The following COL5A1 variants were observed in gnomAD, a reference collection of about 807,000 sequenced individuals.
The protein encoded by COL5A1 is collagen type V alpha 1 chain.
COL5A1 carries 16 observed loss-of-function variants against 263.7 expected under a neutral mutation model. The ratio of observed to expected loss-of-function variants is 0.06; its 90% CI spans 0.04 to 0.09. The LOEUF is 0.09. COL5A1 is among the 10% of genes least tolerant of loss of function. COL5A1 has a pLI of 1.00. For synonymous variants in COL5A1, 1,012 were observed against 1,004.5 expected, an observed-to-expected ratio of 1.01 and a Z score of -0.14; for missense variants, 2,036 against 2,540.5, an observed-to-expected ratio of 0.80 and a Z score of 4.27.
intron 4 of COL5A1, among the ~76,000 whole-genome samples, chr9:134,713,821 G>T (rs1394773769): frequency 6.6e-6 from 1 of 152,302 alleles, no homozygotes; most frequent in East Asian, 1.9e-4. Flanking sequence ...AAGAACTGGG[G>T]TCTGAACCCG....
At chr9:134,661,784 C>T (rs572257879) in intron 1 of COL5A1, among the ~76,000 whole-genome samples, 1 of 152,282 alleles carries the variant, frequency 6.6e-6, no homozygotes, top group East Asian at 1.9e-4. Context: ...TAAATGACTC[C>T]CAGGAGCTCT....
chr9:134,832,226 CA>C (rs1839665405), intron 64 of COL5A1, among the ~76,000 whole-genome samples: 1 of 152,052 alleles, frequency 6.6e-6, no homozygotes, highest in African/African-American at 2.4e-5. Flanking sequence ...GCCAACGTGG[CA>C]AAACCCCATC....
At position 134,741,898 on chromosome 9, in the gene COL5A1, G is replaced by A. The variant is rs993944481; in HGVS notation, c.1494+3090G>A. ...CCCCAAGGGCCGTCTGGCCGTGACCGGTTTGTGCCTTTTCTTCCTCACTGG... is the reference window on the plus strand; with the variant it reads ...CCCCAAGGGCCGTCTGGCCGTGACCAGTTTGTGCCTTTTCTTCCTCACTGG... On this transcript the variant is annotated intron_variant, in intron 11 of 65. Transcript: ENST00000371817. This position sits in a 1 kb window ranked among gnomAD's most constrained non-coding sequence, Gnocchi z 4.5. 7.2e-5 allele frequency among the ~76,000 whole-genome samples: 11 copies of A among 152,060 alleles called. No individual in the cohort carries two copies. Among genetic ancestry groups the A allele is most frequent in the African/African-American group, 1.7e-4 (7 of 41,428 alleles).
chr9:134,689,919 A>G (rs906941316), intron 1 of COL5A1, among the ~76,000 whole-genome samples: 2 of 152,172 alleles, frequency 1.3e-5, no homozygotes, highest in Non-Finnish European at 2.9e-5. Flanking sequence ...GCTCGTGGGC[A>G]CAGGAGCAGT....
At chr9:134,691,156 C>G (rs746470732) in intron 2 of COL5A1, 77 bp downstream of exon 2, 255 of 1,572,262 alleles carry the variant, frequency 1.6e-4, no homozygotes, top group Non-Finnish European at 2.1e-4. Context: ...AGCGCTCAAG[C>G]CTGCGTGGTG....
In COL5A1 at chr9:134,647,707, C is replaced by G. The variant is rs367766542; in HGVS notation, c.109+5411C>G. Among the ~76,000 whole-genome samples, 10 of 152,318 alleles carry G rather than the reference C, an allele frequency of 6.6e-5. No homozygotes were observed. The South Asian group carries it at 1.4e-3, about 22-fold the overall frequency. On this transcript the variant is annotated intron_variant, in intron 1 of 65. Coordinates refer to ENST00000371817, the MANE Select transcript of COL5A1 (RefSeq NM_000093.5). The surrounding 1 kb of genome is among the most constrained non-coding windows in gnomAD (Gnocchi z 5.0). ...CTGCCGCAGGGCAAGCCGGGTCCAG[C>G]TGGATCCGACAATTTCATGTCTTTT... is the stretch of plus-strand genomic sequence containing the variant.
chr9:134,643,510 G>T (rs537024484), intron 1 of COL5A1, among the ~76,000 whole-genome samples: 15 of 152,268 alleles, frequency 9.9e-5, no homozygotes, highest in African/African-American at 3.4e-4. Context: ...TCCCTGGCAC[G>T]ATCAGTGCTT....
chr9:134,648,325 A>G (rs550218657), intron 1 of COL5A1, among the ~76,000 whole-genome samples: 13 of 147,982 alleles, frequency 8.8e-5, no homozygotes, highest in Non-Finnish European at 1.8e-4. Flanking sequence ...ATATATTTCT[A>G]TTATTTCTAT....
At position 134,782,555 on chromosome 9, in the gene COL5A1, C is replaced by T. The variant is rs767464325; in HGVS notation, c.2431-112C>T. 9.8e-6 allele frequency: 10 copies of T among 1,022,272 alleles called. No homozygotes were observed. The African/African-American group carries it at 1.4e-4, about 14-fold the overall frequency. 63.3% of individuals were successfully genotyped at this position (1,022,272 alleles called of 1,614,324 possible). On this transcript the variant is annotated intron_variant, in intron 28 of 65. Coordinates refer to ENST00000371817, the MANE Select transcript of COL5A1 (RefSeq NM_000093.5). ...CACCCCGTCCGGGCCATGTGCTGCC[C>T]CCCAAGCGTGGGGGACCTGGTGCTG...
Position 134,681,926 on chromosome 9 carries a change from T to G in COL5A1, c.110-8986T>G, listed in dbSNP as rs184764456. Among the ~76,000 whole-genome samples the G allele has an allele frequency of 5.3e-5, 8 of 152,200 alleles. No homozygotes were observed. Among genetic ancestry groups the G allele is most frequent in the Admixed American group, 3.9e-4 (6 of 15,286 alleles). On this transcript the variant is annotated intron_variant, in intron 1 of 65. Coordinates refer to ENST00000371817, the MANE Select transcript of COL5A1 (RefSeq NM_000093.5). This position sits in a 1 kb window ranked among gnomAD's most constrained non-coding sequence, Gnocchi z 4.3. Reference sequence around the variant, plus strand: ...CTCTCTCTTTCTGTCTGTGTAGCTCTCTCTCTCTCCCTCTCTCTCCCCATC... The same window carrying G: ...CTCTCTCTTTCTGTCTGTGTAGCTCGCTCTCTCTCCCTCTCTCTCCCCATC...
At chr9:134,816,108 G>A in intron 52 of COL5A1, 120 bp downstream of exon 52, 2 of 892,680 alleles carry the variant, frequency 2.2e-6, no homozygotes, top group South Asian at 2.7e-5. Context: ...ATTCCTTTAT[G>A]ATATCGATTC....
rs1040490632 is a variant in COL5A1, at chr9:134,841,714, C to T, written c.5371-443C>T. ...GTGCCGCCTCGGACTCCTTCCTTTT[C>T]GAACCTGGAGCCCCCGTTTGATTTT... is the stretch of plus-strand genomic sequence containing the variant. On this transcript the variant is annotated intron_variant, in intron 65 of 65. Coordinates refer to ENST00000371817, the MANE Select transcript of COL5A1 (RefSeq NM_000093.5). The surrounding 1 kb of genome is among the most constrained non-coding windows in gnomAD (Gnocchi z 4.8). 6.6e-6 allele frequency among the ~76,000 whole-genome samples: 1 copy of T among 152,134 alleles called. No homozygotes were observed. The highest frequency in any genetic ancestry group is 2.4e-5 in the African/African-American group (1 of 41,420).
At chr9:134,740,502 G>T (rs1038985002) in intron 11 of COL5A1, among the ~76,000 whole-genome samples, 1 of 152,238 alleles carries the variant, frequency 6.6e-6, no homozygotes, top group Non-Finnish European at 1.5e-5. Flanking sequence ...AGGACAGGGT[G>T]GTACCCACAG....
At chr9:134,733,021 C>A (rs1018987710) in intron 9 of COL5A1, among the ~76,000 whole-genome samples, 3 of 152,194 alleles carry the variant, frequency 2.0e-5, no homozygotes, top group Non-Finnish European at 4.4e-5. Context: ...AGCACCAAGG[C>A]CCACCCTGCC....
At chr9:134,659,602 A>G (rs1473646509) in intron 1 of COL5A1, among the ~76,000 whole-genome samples, 1 of 152,116 alleles carries the variant, frequency 6.6e-6, no homozygotes, top group Non-Finnish European at 1.5e-5. Context: ...GAGGAGCAGG[A>G]GGAATGTGAA....
intron 4 of COL5A1, among the ~76,000 whole-genome samples, chr9:134,719,446 AGTG>A (rs1421567655): frequency 4.6e-5 from 7 of 152,376 alleles, no homozygotes; most frequent in Non-Finnish European, 7.3e-5. Context: ...GCACACACAC[AGTG>A]ACACAACACA....
Position 134,730,305 on chromosome 9 carries a change from G to A in COL5A1, c.994G>A (p.Asp332Asn), listed in dbSNP as rs889773277. ...ETSEGAGKEE[D>N]VGIGDYDYVP... ...CAGTGAAGGGGCTGGGAAGGAAGAG[G>A]ACGTCGGCATCGGGGACTATGACTA... Residue 332 changes from aspartate (D) to asparagine (N), a missense_variant, in exon 7 of 66, where the codon GAC (aspartate) becomes AAC (asparagine). This residue lies in a region of COL5A1 where 600 missense variants were observed against 634.5 expected (regional missense o/e 0.95). Transcript: ENST00000371817. The A allele has an allele frequency of 1.2e-6, 2 of 1,614,130 alleles. No individual in the cohort carries two copies. The highest frequency in any genetic ancestry group is 2.7e-5 in the African/African-American group (2 of 74,946).
At chr9:134,801,860 G>C (rs62571401) in intron 37 of COL5A1, 94 bp from the exon 38 acceptor site, 4 of 1,030,380 alleles carry the variant, frequency 3.9e-6, no homozygotes, top group Non-Finnish European at 4.5e-6. Context: ...TGGGGGGAAG[G>C]GAGGTGGGGG....
At chr9:134,667,907 C>T (rs1409904300) in intron 1 of COL5A1, among the ~76,000 whole-genome samples, 6 of 152,198 alleles carry the variant, frequency 3.9e-5, no homozygotes, top group African/African-American at 1.2e-4. Context: ...CATGACATTT[C>T]CCCCAAACTT....
Sources: allele counts gnomAD v4.1 joint callset (sites outside exome capture counted in the v4.1 genomes callset), GRCh38; gene constraint gnomAD v4.1.1; regional missense constraint gnomAD v4.1.1; non-coding constraint Gnocchi (gnomAD v3.1); transcripts MANE v1.5; gene names NCBI Gene and HGNC (gene_info 2026-07-23, HGNC 2026-07-21).